The following ZFPM2 variants were observed in gnomAD, a reference collection of about 807,000 sequenced individuals.
ZFPM2 encodes the protein zinc finger protein, FOG family member 2, also known as zinc finger protein ZFPM2.
In ZFPM2, 20 loss-of-function variants were observed where a neutral mutation model predicts 98.6. The observed-to-expected ratio is 0.20, with a 90% CI of 0.14 to 0.29. The LOEUF (loss-of-function observed/expected upper bound fraction) is 0.29, where lower values mean the gene tolerates loss of function less well. ZFPM2 is among the 10% of genes least tolerant of loss of function. The pLI is 1.00. For missense variants in ZFPM2, 1,310 were observed against 1,388.6 expected (o/e 0.94, Z 0.90); for synonymous variants, 518 against 502.7 (o/e 1.03, Z -0.41).
chr8:105,456,946 C>T (rs1417718105), intron 3 of ZFPM2, among the ~76,000 whole-genome samples: 1 of 152,174 alleles, frequency 6.6e-6, no homozygotes, highest in African/African-American at 2.4e-5. Flanking sequence ...AGCCACTGCG[C>T]CTGGCCGTGT....
chr8:105,405,892 C>A (rs1370331018), intron 1 of ZFPM2, among the ~76,000 whole-genome samples: 6 of 152,038 alleles, frequency 3.9e-5, no homozygotes, highest in Non-Finnish European at 8.8e-5. Context: ...TTACAGTCCC[C>A]ACAACAGTGT....
At chr8:105,733,987 A>C (rs1436778039) in intron 5 of ZFPM2, among the ~76,000 whole-genome samples, 1 of 151,906 alleles carries the variant, frequency 6.6e-6, no homozygotes, top group Non-Finnish European at 1.5e-5. Flanking sequence ...AAAGAAGATC[A>C]TTCTGCCAGC....
rs150228296 is a variant in ZFPM2 at position 105,524,963 on chromosome 8, A to G, written c.302-36400A>G. 9.9e-3 allele frequency among the ~76,000 whole-genome samples: 1,511 copies of G among 152,288 alleles called. 27 individuals are homozygous for G. The highest frequency in any genetic ancestry group is 0.034 in the African/African-American group (1,430 of 41,550). On this transcript the variant is annotated intron_variant, in intron 3 of 7. Transcript: ENST00000407775. ...GTTCTTTTCGTCTCGCTGATGGCAC[A>G]AGGGAAAAAAAAAGTTCATCTCTCG...
At chr8:105,401,218 CTTAAT>C (rs928623593) in intron 1 of ZFPM2, among the ~76,000 whole-genome samples, 5 of 149,604 alleles carry the variant, frequency 3.3e-5, no homozygotes, top group African/African-American at 1.0e-4. Flanking sequence ...TAAATACAGA[CTTAAT>C]TTAATAATCA....
chr8:105,346,038 G>A (rs940829797), intron 1 of ZFPM2, among the ~76,000 whole-genome samples: 1 of 151,916 alleles, frequency 6.6e-6, no homozygotes, highest in Non-Finnish European at 1.5e-5. Context: ...TAAAAATAAG[G>A]AAAGAAAAAC....
chr8:105,434,194 T>C (rs1169273440), intron 2 of ZFPM2, among the ~76,000 whole-genome samples: 3 of 148,918 alleles, frequency 2.0e-5, no homozygotes, highest in Non-Finnish European at 4.5e-5. Context: ...AATTCTTAAT[T>C]TTTTTTTTTT....
intron 4 of ZFPM2, among the ~76,000 whole-genome samples, chr8:105,614,256 G>T (rs1176020466): frequency 1.3e-5 from 2 of 152,022 alleles, no homozygotes; most frequent in African/African-American, 4.8e-5. Flanking sequence ...GTATGAGCAT[G>T]TTGCATGTTT....
intron 5 of ZFPM2, among the ~76,000 whole-genome samples, chr8:105,746,654 A>T (rs1241654098): frequency 0.016 from 1,745 of 111,938 alleles, 54 homozygotes; most frequent in African/African-American, 0.025. Context: ...TGTTTTTAAA[A>T]ATTTTTTTTT....
At chr8:105,695,259 G>A (rs566924788) in intron 5 of ZFPM2, among the ~76,000 whole-genome samples, 17 of 151,876 alleles carry the variant, frequency 1.1e-4, no homozygotes, top group African/African-American at 3.4e-4. Context: ...GAGAAAATAC[G>A]TAATCATGGA....
chr8:105,426,904 C>T (rs1469974244), intron 2 of ZFPM2, among the ~76,000 whole-genome samples: 4 of 152,238 alleles, frequency 2.6e-5, no homozygotes, highest in Admixed American at 2.0e-4. Flanking sequence ...TTGCCATGAG[C>T]CCAGATCATG....
At chr8:105,460,523 G>T (rs1373901280) in intron 3 of ZFPM2, among the ~76,000 whole-genome samples, 1 of 152,102 alleles carries the variant, frequency 6.6e-6, no homozygotes, top group African/African-American at 2.4e-5. Context: ...GGGGAGCATG[G>T]CCCACCTGGC....
At chr8:105,355,613 AT>A (rs1296049240) in intron 1 of ZFPM2, among the ~76,000 whole-genome samples, 1 of 152,016 alleles carries the variant, frequency 6.6e-6, no homozygotes, top group African/African-American at 2.4e-5. Flanking sequence ...AATATTATCT[AT>A]TTTTACTTGC....
chr8:105,449,529 A>C (rs1427832920), intron 3 of ZFPM2, among the ~76,000 whole-genome samples: 2 of 152,100 alleles, frequency 1.3e-5, no homozygotes, highest in Non-Finnish European at 2.9e-5. Context: ...TAAAATTAGT[A>C]ATCATTTTTT....
chr8:105,787,026 A>T (rs1270927680), intron 5 of ZFPM2: 1 of 152,196 alleles, frequency 6.6e-6, no homozygotes, highest in Non-Finnish European at 1.5e-5. Context: ...AATAAACTGT[A>T]TTTCAGTGGA....
chr8:105,502,430 A>G (rs1040721538), intron 3 of ZFPM2, among the ~76,000 whole-genome samples: 2 of 152,154 alleles, frequency 1.3e-5, no homozygotes, highest in African/African-American at 4.8e-5. Flanking sequence ...GAACTTAAGG[A>G]GGTCAGGAAA....
intron 1 of ZFPM2, among the ~76,000 whole-genome samples, chr8:105,406,873 T>G (rs977294559): frequency 2.0e-5 from 3 of 151,978 alleles, no homozygotes; most frequent in African/African-American, 7.2e-5. Flanking sequence ...ACCATAATAT[T>G]TTTCTAAAAA....
chr8:105,488,358 G>A (rs185137304), intron 3 of ZFPM2, among the ~76,000 whole-genome samples: 6 of 152,270 alleles, frequency 3.9e-5, no homozygotes, highest in Admixed American at 6.5e-5. Flanking sequence ...TCCATTCAGT[G>A]GCTGCTTGTT....
intron 1 of ZFPM2, among the ~76,000 whole-genome samples, chr8:105,385,872 G>A (rs2129903176): frequency 6.6e-6 from 1 of 152,202 alleles, no homozygotes; most frequent in Non-Finnish European, 1.5e-5. Flanking sequence ...TGGCACATAG[G>A]GAAGAATGGT....
At chr8:105,323,398 T>TC (rs1195906764) in intron 1 of ZFPM2, among the ~76,000 whole-genome samples, 1 of 151,930 alleles carries the variant, frequency 6.6e-6, no homozygotes, top group Admixed American at 6.6e-5. Context: ...TTCTCTTTGG[T>TC]CTGTAATACT....
Sources: gnomAD v4.1 joint callset for allele counts (sites outside exome capture counted in the v4.1 genomes callset) on GRCh38, gnomAD v4.1.1 for gene constraint, MANE v1.5 for transcripts, NCBI Gene and HGNC (gene_info 2026-07-23, HGNC 2026-07-21) for gene names.